Variants in ADAMTS17 observed in about 807,000 individuals in gnomAD.
ADAMTS17 encodes the protein A disintegrin and metalloproteinase with thrombospondin motifs 17.
In ADAMTS17, 113 loss-of-function variants were observed where a neutral mutation model predicts 141.5. That is an observed-to-expected ratio of 0.80 (90% CI 0.69 to 0.93). The LOEUF (loss-of-function observed/expected upper bound fraction) is 0.93. Among genes scored for constraint, ADAMTS17 ranks in the 40% least tolerant of loss-of-function variants. The probability of loss-of-function intolerance (pLI) is 0.00; values close to 1 mark genes in which losing one functional copy is unlikely to be tolerated. For missense variants in ADAMTS17, 1,659 were observed against 1,517.9 expected, an observed-to-expected ratio of 1.09 and a Z score of -1.54; for synonymous variants, 768 against 630.6, an observed-to-expected ratio of 1.22 and a Z score of -3.27.
At chr15:100,292,402 G>C (rs62038074) in intron 3 of ADAMTS17, among the ~76,000 whole-genome samples, 32,058 of 148,664 alleles carry the variant, frequency 0.22, 3,690 homozygotes, top group South Asian at 0.37. Context: ...AATTACGAGA[G>C]ACACTCACCC....
rs184842682 is a variant in ADAMTS17 at position 100,017,419 on chromosome 15, C to G, written c.2592-19830G>C. Among the ~76,000 whole-genome samples, 181 of 152,362 alleles carry G rather than the reference C, an allele frequency of 1.2e-3. 1 individual carries two copies. Among genetic ancestry groups the G allele is most frequent in the African/African-American group, 4.1e-3 (172 of 41,586 alleles). ...CGGTTCAAATTATTACATAGTTCAGCTGGAGACTTCCTTCTCCCTGTGGTG... is the reference window on the plus strand; with the variant it reads ...CGGTTCAAATTATTACATAGTTCAGGTGGAGACTTCCTTCTCCCTGTGGTG... On this transcript the variant is annotated intron_variant, in intron 18 of 21. Transcript: ENST00000268070.
At chr15:100,157,328 A>G (rs1195034458) in intron 8 of ADAMTS17, among the ~76,000 whole-genome samples, 1 of 152,240 alleles carries the variant, frequency 6.6e-6, no homozygotes, top group East Asian at 1.9e-4. Flanking sequence ...CCTCTCCATT[A>G]CAAAATTGTT....
At chr15:100,094,413 C>T (rs2035641515) in intron 15 of ADAMTS17, among the ~76,000 whole-genome samples, 1 of 152,224 alleles carries the variant, frequency 6.6e-6, no homozygotes, top group Non-Finnish European at 1.5e-5. Context: ...GAGAGGAGGA[C>T]ATTACTGTGG....
chr15:100,074,846 C>T (rs1326755128), intron 15 of ADAMTS17, among the ~76,000 whole-genome samples: 1 of 152,092 alleles, frequency 6.6e-6, no homozygotes, highest in South Asian at 2.1e-4. Context: ...AACTTATTTA[C>T]AGAACCGAGC....
intron 7 of ADAMTS17, among the ~76,000 whole-genome samples, chr15:100,211,173 G>A (rs904943714): frequency 1.3e-5 from 2 of 150,972 alleles, no homozygotes; most frequent in African/African-American, 4.9e-5. Flanking sequence ...ATGGTGGCCT[G>A]TGCCTGTAAT....
chr15:100,211,299 A>C (rs1303390665), intron 7 of ADAMTS17, among the ~76,000 whole-genome samples: 1 of 4,100 alleles, frequency 2.4e-4, no homozygotes, highest in Non-Finnish European at 6.5e-4. Flanking sequence ...ACTTCATCTC[A>C]AAAAAAAAAA....
chr15:100,106,936 C>T (rs1012700399), intron 14 of ADAMTS17, among the ~76,000 whole-genome samples: 1 of 152,230 alleles, frequency 6.6e-6, no homozygotes, highest in South Asian at 2.1e-4. Context: ...AGCTCAACCA[C>T]TCATCACTGC....
intron 20 of ADAMTS17, among the ~76,000 whole-genome samples, chr15:99,977,400 A>ATATATAT (rs1491361858): frequency 4.6e-3 from 22 of 4,742 alleles, no homozygotes; most frequent in African/African-American, 8.7e-3. Flanking sequence ...ATATATATAT[A>ATATATAT]ATTTTTTTTT....
chr15:100,194,068 C>A (rs952154281), intron 8 of ADAMTS17, among the ~76,000 whole-genome samples: 2 of 152,240 alleles, frequency 1.3e-5, no homozygotes, highest in Non-Finnish European at 1.5e-5. Context: ...AATGAGAAAC[C>A]TTTTTATTTC....
chr15:100,152,516 A>T (rs1487189028), intron 10 of ADAMTS17, 96 bp downstream of exon 10: 73 of 1,525,006 alleles, frequency 4.8e-5, no homozygotes, highest in Non-Finnish European at 6.4e-5. Context: ...GCCTGTGCTG[A>T]GTGTGAATGC....
chr15:100,076,833 A>G (rs545362999), intron 15 of ADAMTS17, among the ~76,000 whole-genome samples: 1 of 152,238 alleles, frequency 6.6e-6, no homozygotes, highest in Non-Finnish European at 1.5e-5. Flanking sequence ...TCTCAATTCT[A>G]TGTTAGGAGT....
At chr15:100,278,445 G>C (rs868795158) in intron 4 of ADAMTS17, among the ~76,000 whole-genome samples, 1 of 152,146 alleles carries the variant, frequency 6.6e-6, no homozygotes, top group African/African-American at 2.4e-5. Flanking sequence ...ACCCTCACAT[G>C]CCCACTGAGG....
chr15:100,011,318 G>A, intron 18 of ADAMTS17, among the ~76,000 whole-genome samples: 1 of 143,668 alleles, frequency 7.0e-6, no homozygotes, highest in African/African-American at 2.6e-5. Context: ...AAGGAAAGGA[G>A]GGATGGGAGG....
chr15:100,100,495 C>T (rs2036030072), intron 14 of ADAMTS17, among the ~76,000 whole-genome samples: 1 of 152,174 alleles, frequency 6.6e-6, no homozygotes, highest in East Asian at 1.9e-4. Flanking sequence ...TGCCTGACCT[C>T]TTAATTCTAG....
intron 20 of ADAMTS17, among the ~76,000 whole-genome samples, chr15:99,990,011 A>T (rs12916269): frequency 0.48 from 72,384 of 151,998 alleles, 18,447 homozygotes; most frequent in Non-Finnish European, 0.58. Flanking sequence ...TCAGCCCCTT[A>T]ATGTCTCTAT....
At chr15:100,297,534 T>C (rs1234913331) in intron 3 of ADAMTS17, among the ~76,000 whole-genome samples, 1 of 152,068 alleles carries the variant, frequency 6.6e-6, no homozygotes, top group African/African-American at 2.4e-5. Flanking sequence ...ACTGGGGCTA[T>C]TTGGATAAAG....
intron 8 of ADAMTS17, among the ~76,000 whole-genome samples, chr15:100,191,329 C>T (rs116777426): frequency 0.012 from 1,758 of 152,342 alleles, 45 homozygotes; most frequent in African/African-American, 0.039. Flanking sequence ...CCTACCGTGA[C>T]GCTGAGCTCC....
rs2573649 is a variant in ADAMTS17 at position 99,973,835 on chromosome 15, C to G, written c.*567G>C. Reference sequence around the variant, plus strand: ...ACACCTAGGATTTAGAGACTATGTTCTCAGAGACGGGCATGGAGGCAACGT... The same window carrying G: ...ACACCTAGGATTTAGAGACTATGTTGTCAGAGACGGGCATGGAGGCAACGT... On this transcript the variant is annotated 3_prime_UTR_variant, in exon 22 of 22. Transcript: ENST00000268070. 0.62 allele frequency: 115,046 copies of G among 186,176 alleles called. 36,213 individuals carry two copies. The highest frequency in any genetic ancestry group is 0.64 in the Non-Finnish European group (56,313 of 88,484). 11.5% of individuals were successfully genotyped at this position (186,176 alleles called of 1,614,324 possible).
Position 100,051,307 on chromosome 15 carries a change from A to G in ADAMTS17, c.2455+265T>C, listed in dbSNP as rs73472498. Among the ~76,000 whole-genome samples the G allele has an allele frequency of 5.0e-3, 760 of 152,322 alleles. 9 individuals are homozygous for G. The highest frequency in any genetic ancestry group is 0.017 in the African/African-American group (706 of 41,552). ...TGTCACACCCGAGATGTAATCATAC[A>G]TCAGCCAAACCCCGCTTCACCCATA... On this transcript the variant is annotated intron_variant, in intron 17 of 21. Transcript: ENST00000268070.
Sources: gnomAD v4.1 joint callset for allele counts (sites outside exome capture counted in the v4.1 genomes callset) on GRCh38, gnomAD v4.1.1 for gene constraint, MANE v1.5 for transcripts, NCBI Gene and HGNC (gene_info 2026-07-23, HGNC 2026-07-21) for gene names.